The following ACCSL variants were observed in gnomAD, a reference collection of about 807,000 sequenced individuals.
The protein encoded by ACCSL is probable inactive 1-aminocyclopropane-1-carboxylate synthase-like protein 2.
A neutral mutation model predicts 61.7 loss-of-function variants in ACCSL; 55 were observed. That is an observed-to-expected ratio of 0.89 (90% CI 0.72 to 1.12). ACCSL has a LOEUF of 1.12. Ranked by LOEUF, ACCSL falls within the 50% of genes most tolerant of loss-of-function variation. The pLI is 0.00. For synonymous variants in ACCSL, 258 were observed against 264.3 expected (o/e 0.98, Z 0.23); for missense variants, 632 against 698.0 (o/e 0.91, Z 1.07).
the ACCSL span, among the ~76,000 whole-genome samples, chr11:43,959,761 A>T: frequency 6.6e-6 from 1 of 152,134 alleles, no homozygotes; most frequent in Non-Finnish European, 1.5e-5. Context: ...GTTTGTAGAG[A>T]CCAGGCATTC....
At chr11:44,005,736 A>G in the ACCSL span, among the ~76,000 whole-genome samples, 1 of 152,170 alleles carries the variant, frequency 6.6e-6, no homozygotes, top group Admixed American at 6.5e-5. Flanking sequence ...ACCCCCAGGT[A>G]AAGCTGTGCA....
At position 44,053,458 on chromosome 11, in the gene ACCSL, A is replaced by G. The variant is rs1952652244; in HGVS notation, c.1001A>G (p.Asp334Gly). ...VLINPQNPLG[D>G]IYSPDSLMKY... ...ATCAACCCTCAGAATCCTCTGGGTG[A>G]CATCTACTCCCCAGACTCACTGATG... is the stretch of plus-strand genomic sequence containing the variant. The change falls in exon 8 of 14, where the codon GAC (aspartate) becomes GGC (glycine). Residue 334 changes from aspartate to glycine, a missense_variant. By Grantham distance (94) the Asp-to-Gly change is moderately conservative. Transcript: ENST00000378832. 6.2e-7 allele frequency: 1 copy of G among 1,614,210 alleles called. No homozygotes were observed. Among genetic ancestry groups the G allele is most frequent in the East Asian group, 2.2e-5 (1 of 44,884 alleles).
At chr11:43,974,368 CT>C in the ACCSL span, among the ~76,000 whole-genome samples, 1 of 152,228 alleles carries the variant, frequency 6.6e-6, no homozygotes, top group Non-Finnish European at 1.5e-5. Flanking sequence ...CACTCTTTAT[CT>C]CTACCTTTAT....
In ACCSL at chr11:44,058,440, T is replaced by C. The variant is rs780079622; in HGVS notation, c.1451T>C (p.Val484Ala). The C allele has an allele frequency of 6.2e-6, 10 of 1,614,180 alleles. No individual in the cohort carries two copies. Among genetic ancestry groups the C allele is most frequent in the Non-Finnish European group, 8.5e-6 (10 of 1,180,022 alleles). ...PFHNRSSGLYVWINLKKYLDP... is the reference protein window; with the variant it reads ...PFHNRSSGLYAWINLKKYLDP... ...CACAACCGCAGCTCTGGCCTCTATG[T>C]CTGGATCAACTTGAAAAAGGTGTGT... is the stretch of plus-strand genomic sequence containing the variant. Residue 484 changes from valine (V) to alanine (A), a missense_variant, in exon 12 of 14, where the codon GTC becomes GCC. Val to Ala is a moderately conservative substitution (Grantham distance 64). Transcript: ENST00000378832.
the ACCSL span, among the ~76,000 whole-genome samples, chr11:43,978,644 C>T: frequency 6.6e-6 from 1 of 152,086 alleles, no homozygotes; most frequent in African/African-American, 2.4e-5. Flanking sequence ...CTCCCATCTT[C>T]CCATCCCTTT....
the ACCSL span, among the ~76,000 whole-genome samples, chr11:43,953,090 C>A: frequency 1.3e-5 from 2 of 152,166 alleles, no homozygotes; most frequent in African/African-American, 4.8e-5. Context: ...CAGAGCGACT[C>A]CATCTTGAAC....
At chr11:43,951,519 G>C in the ACCSL span, among the ~76,000 whole-genome samples, 1 of 152,214 alleles carries the variant, frequency 6.6e-6, no homozygotes, top group Non-Finnish European at 1.5e-5. Flanking sequence ...ACCTGGAACT[G>C]TCCGGAAGCA....
the ACCSL span, among the ~76,000 whole-genome samples, chr11:43,978,207 G>A: frequency 7.9e-5 from 12 of 151,684 alleles, no homozygotes; most frequent in African/African-American, 2.2e-4. Flanking sequence ...CAGGGATTTC[G>A]TCATGTTGGC....
At chr11:43,951,837 C>T in the ACCSL span, among the ~76,000 whole-genome samples, 1 of 152,100 alleles carries the variant, frequency 6.6e-6, no homozygotes, top group South Asian at 2.1e-4. Flanking sequence ...CCTGTCTCTA[C>T]TAAAAATACA....
chr11:44,039,965 C>T, the ACCSL span, among the ~76,000 whole-genome samples: 40 of 152,326 alleles, frequency 2.6e-4, 1 homozygote, highest in East Asian at 4.4e-3. Context: ...ATACCACCCT[C>T]GGGGAGGTAG....
At chr11:43,939,357 C>T in the ACCSL span, among the ~76,000 whole-genome samples, 1 of 152,194 alleles carries the variant, frequency 6.6e-6, no homozygotes, top group Non-Finnish European at 1.5e-5. Flanking sequence ...CAGTTTCCCA[C>T]TCCTGGTATA....
upstream of ACCSL, among the ~76,000 whole-genome samples, chr11:44,043,849 C>A (rs987784605): frequency 6.6e-6 from 1 of 152,096 alleles, no homozygotes; most frequent in Non-Finnish European, 1.5e-5. Context: ...TGTTTTCCTT[C>A]AAATCTGTTA....
At chr11:44,005,959 A>C in the ACCSL span, among the ~76,000 whole-genome samples, 1 of 152,128 alleles carries the variant, frequency 6.6e-6, no homozygotes, top group Admixed American at 6.5e-5. Flanking sequence ...CCAAAGGCCA[A>C]AGTGCAGGGG....
the ACCSL span, among the ~76,000 whole-genome samples, chr11:43,990,793 G>A: frequency 6.6e-6 from 1 of 152,094 alleles, no homozygotes; most frequent in African/African-American, 2.4e-5. Context: ...TAAAGCCAGG[G>A]GTGTGCCGTG....
chr11:43,924,485 G>T, the ACCSL span, among the ~76,000 whole-genome samples: 138 of 152,354 alleles, frequency 9.1e-4, 1 homozygote, highest in Admixed American at 2.2e-3. Flanking sequence ...GTGTTGTGAG[G>T]TGCTGCTCCC....
At position 44,052,756 on chromosome 11, in the gene ACCSL, T is replaced by A. The variant is rs760687487; in HGVS notation, c.867T>A (p.Ser289Arg). The change falls in exon 6 of 14, where the codon AGT becomes AGA. Residue 289 changes from serine to arginine, a missense_variant. Coordinates refer to ENST00000378832, the MANE Select transcript of ACCSL (RefSeq NM_001031854.2). The stretch of plus-strand genomic sequence containing the variant: ...AGTTGATTCCTGTCCACCTGGAGAG[T>A]GAGGTCTGAATGGGGCCCCTTCCCT... ...KVELIPVHLESEVTVTNTHPF... is the reference protein window; with the variant it reads ...KVELIPVHLEREVTVTNTHPF... 3 of 1,613,440 alleles carry A rather than the reference T, an allele frequency of 1.9e-6. No homozygotes were observed. Among genetic ancestry groups the A allele is most frequent in the Non-Finnish European group, 2.5e-6 (3 of 1,179,772 alleles).
the ACCSL span, among the ~76,000 whole-genome samples, chr11:43,959,801 G>A: frequency 6.6e-6 from 1 of 152,184 alleles, no homozygotes; most frequent in Non-Finnish European, 1.5e-5. Context: ...TGGGGAAACA[G>A]AGGCAGAACC....
the ACCSL span, among the ~76,000 whole-genome samples, chr11:44,040,679 C>G: frequency 1.3e-5 from 2 of 152,136 alleles, no homozygotes; most frequent in African/African-American, 4.8e-5. Context: ...AAAACAGATA[C>G]AGAGGTAAGT....
the ACCSL span, among the ~76,000 whole-genome samples, chr11:44,019,852 A>G: frequency 6.6e-6 from 1 of 152,196 alleles, no homozygotes; most frequent in African/African-American, 2.4e-5. Flanking sequence ...ATCTACTTCT[A>G]TGTTTTTCTC....
Sources: gnomAD v4.1 joint callset for allele counts (sites outside exome capture counted in the v4.1 genomes callset) on GRCh38, gnomAD v4.1.1 for gene constraint, MANE v1.5 for transcripts, NCBI Gene and HGNC (gene_info 2026-07-23, HGNC 2026-07-21) for gene names.